Variants in ERC2 observed in about 807,000 individuals in gnomAD.
ERC2 encodes the protein ELKS/RAB6-interacting/CAST family member 2.
In ERC2, 42 loss-of-function variants were observed where a neutral mutation model predicts 114.8. The ratio of observed to expected loss-of-function variants is 0.37; its 90% CI spans 0.29 to 0.47. The LOEUF (loss-of-function observed/expected upper bound fraction) is 0.47, where lower values mean the gene tolerates loss of function less well. Among genes scored for constraint, ERC2 ranks in the 20% least tolerant of loss-of-function variants. The pLI, the probability that ERC2 is intolerant of heterozygous loss-of-function variation, is 0.99. For synonymous variants in ERC2, 454 were observed against 425.5 expected (o/e 1.07, Z -0.82); for missense variants, 939 against 1,150.7 (o/e 0.82, Z 2.66).
intron 2 of ERC2, among the ~76,000 whole-genome samples, chr3:56,333,725 G>A (rs2057733405): frequency 6.6e-6 from 1 of 151,748 alleles, no homozygotes; most frequent in South Asian, 2.1e-4. Context: ...CAGGAAAAAG[G>A]TAATTTTTCA....
chr3:56,459,471 A>G (rs1242038629), intron 1 of ERC2, among the ~76,000 whole-genome samples: 1 of 152,170 alleles, frequency 6.6e-6, no homozygotes, highest in African/African-American at 2.4e-5. Context: ...CAGAATGACA[A>G]CTACCTTTAG....
intron 14 of ERC2, among the ~76,000 whole-genome samples, chr3:55,749,802 C>T (rs1305463576): frequency 1.3e-5 from 2 of 152,184 alleles, no homozygotes; most frequent in Non-Finnish European, 2.9e-5. Context: ...TCACTCTTCA[C>T]AATAAACCTT....
chr3:55,680,528 AT>A (rs1341780569), intron 17 of ERC2, among the ~76,000 whole-genome samples: 1 of 152,244 alleles, frequency 6.6e-6, no homozygotes, highest in African/African-American at 2.4e-5. Context: ...CTGAAGAACA[AT>A]TATGGAGAAT....
intron 14 of ERC2, chr3:55,852,494 T>A (rs976700864): frequency 1.2e-4 from 18 of 154,908 alleles, no homozygotes; most frequent in African/African-American, 4.3e-4. Flanking sequence ...ATGACCTCCA[T>A]GGAGCCATCC....
At chr3:55,769,988 G>A (rs1460082486) in intron 14 of ERC2, among the ~76,000 whole-genome samples, 1 of 152,180 alleles carries the variant, frequency 6.6e-6, no homozygotes, top group African/African-American at 2.4e-5. Context: ...TGTAGGAAAA[G>A]TACACTTCCT....
intron 3 of ERC2, among the ~76,000 whole-genome samples, chr3:56,203,395 C>T (rs920189567): frequency 2.0e-5 from 3 of 152,164 alleles, no homozygotes; most frequent in African/African-American, 7.2e-5. Flanking sequence ...TTAGGTCTTA[C>T]TCATGCTGAT....
intron 2 of ERC2, among the ~76,000 whole-genome samples, chr3:56,338,894 C>T (rs2057972550): frequency 6.6e-6 from 1 of 152,100 alleles, no homozygotes; most frequent in Non-Finnish European, 1.5e-5. Flanking sequence ...TGCAAATGAA[C>T]AAAATAAAGC....
chr3:56,343,466 A>T (rs1441743468), intron 2 of ERC2, among the ~76,000 whole-genome samples: 1 of 151,934 alleles, frequency 6.6e-6, no homozygotes, highest in Non-Finnish European at 1.5e-5. Context: ...TAAAAAAAAA[A>T]AATTAGCCAG....
intron 1 of ERC2, among the ~76,000 whole-genome samples, chr3:56,435,776 G>C (rs1032922789): frequency 3.9e-5 from 6 of 152,174 alleles, no homozygotes; most frequent in African/African-American, 1.4e-4. Flanking sequence ...GGCTATCCTG[G>C]AGATAGAAGA....
intron 6 of ERC2, among the ~76,000 whole-genome samples, chr3:56,136,396 C>T (rs1207641873): frequency 6.6e-6 from 1 of 152,108 alleles, no homozygotes; most frequent in Non-Finnish European, 1.5e-5. Flanking sequence ...TCACATGTAA[C>T]CTCCTTTGAG....
intron 3 of ERC2, among the ~76,000 whole-genome samples, chr3:56,220,753 G>T (rs1450679999): frequency 6.6e-6 from 1 of 152,220 alleles, no homozygotes. Flanking sequence ...CAAAGCCAAG[G>T]TCACGTGCTC....
rs191795069 is a variant in ERC2, at chr3:55,578,477, C to T, written c.*40-67201G>A. 1.2e-3 allele frequency among the ~76,000 whole-genome samples: 186 copies of T among 152,270 alleles called. 1 individual carries two copies. Among genetic ancestry groups the T allele is most frequent in the Non-Finnish European group, 2.2e-3 (147 of 68,016 alleles). On this transcript the variant is annotated intron_variant, in intron 17 of 17. Transcript: ENST00000288221. Reference sequence around the variant, plus strand: ...TCTCCTCAGAAAGGCCTTTACTCAGCGTTTTATCTAAAGTAACCTGGCCAA... The same window carrying T: ...TCTCCTCAGAAAGGCCTTTACTCAGTGTTTTATCTAAAGTAACCTGGCCAA...
chr3:55,952,198 C>CTATA lies in ERC2; in HGVS notation c.2268-1642_2268-1639dup, dbSNP rs139081238. Among the ~76,000 whole-genome samples the CTATA allele has an allele frequency of 1.6e-4, 17 of 108,664 alleles. 1 individual carries two copies. The East Asian group carries it at 3.1e-3, about 20-fold the overall frequency. The allele number at this position is 108,664 out of a possible 152,430, so 71.3% of individuals were successfully genotyped here. ...ACACACACTCTCTCTCTCTCTCTCT[C>CTATA]TATATATATATATATATATTCTGAA... is the stretch of plus-strand genomic sequence containing the variant. On this transcript the variant is annotated intron_variant, in intron 12 of 17. Transcript: ENST00000288221.
chr3:55,609,436 C>T (rs564028458), intron 17 of ERC2, among the ~76,000 whole-genome samples: 19 of 152,258 alleles, frequency 1.2e-4, no homozygotes, highest in African/African-American at 4.3e-4. Context: ...CTCTGCCTAA[C>T]TGTGCTTGGA....
chr3:56,338,293 T>C (rs965606785), intron 2 of ERC2, among the ~76,000 whole-genome samples: 1 of 152,240 alleles, frequency 6.6e-6, no homozygotes, highest in Non-Finnish European at 1.5e-5. Context: ...CCTATATCTG[T>C]GTGATATCTC....
intron 4 of ERC2, among the ~76,000 whole-genome samples, chr3:56,162,168 T>C (rs1279012986): frequency 6.6e-6 from 1 of 152,222 alleles, no homozygotes; most frequent in Non-Finnish European, 1.5e-5. Flanking sequence ...TTAATTCTGT[T>C]TATGTGTTGA....
intron 6 of ERC2, among the ~76,000 whole-genome samples, chr3:56,120,537 G>A (rs1282906439): frequency 6.6e-6 from 1 of 152,094 alleles, no homozygotes; most frequent in Non-Finnish European, 1.5e-5. Flanking sequence ...GAGGTGGGAG[G>A]TTTTCACCTC....
At chr3:55,921,501 T>C (rs543106604) in intron 13 of ERC2, among the ~76,000 whole-genome samples, 2 of 152,104 alleles carry the variant, frequency 1.3e-5, no homozygotes, top group South Asian at 2.1e-4. Flanking sequence ...AATATGACAG[T>C]TCAAAATTCT....
intron 17 of ERC2, among the ~76,000 whole-genome samples, chr3:55,514,534 G>A (rs1032414382): frequency 2.0e-5 from 3 of 152,234 alleles, no homozygotes; most frequent in Admixed American, 6.5e-5. Context: ...TTTATTTGCT[G>A]TAGCAGAAGA....
Sources: allele counts gnomAD v4.1 joint callset (sites outside exome capture counted in the v4.1 genomes callset), GRCh38; gene constraint gnomAD v4.1.1; transcripts MANE v1.5; gene names NCBI Gene and HGNC (gene_info 2026-07-23, HGNC 2026-07-21).